Variants in RAD50 observed in about 807,000 individuals in gnomAD.
The protein encoded by RAD50 is DNA repair protein RAD50.
In RAD50, 132 loss-of-function variants were observed where a neutral mutation model predicts 168.8. That is an observed-to-expected ratio of 0.78 (90% CI 0.68 to 0.90). RAD50 has a LOEUF of 0.90. RAD50 is among the 40% of genes least tolerant of loss of function. RAD50 has a pLI of 0.00. For synonymous variants in RAD50, 525 were observed against 497.4 expected (o/e 1.06, Z -0.74); for missense variants, 1,347 against 1,534.4 (o/e 0.88, Z 2.04).
chr5:132,564,772 G>A (rs1249263717), intron 2 of RAD50, among the ~76,000 whole-genome samples: 1 of 151,940 alleles, frequency 6.6e-6, no homozygotes, highest in African/African-American at 2.4e-5. Context: ...TCCCATTACA[G>A]GACACTACTC....
intron 5 of RAD50, among the ~76,000 whole-genome samples, chr5:132,585,445 A>G (rs1750579421): frequency 1.3e-5 from 2 of 152,046 alleles, no homozygotes; most frequent in African/African-American, 4.8e-5. Flanking sequence ...TTCCTAGTTG[A>G]TCAGTCAATT....
In RAD50 at chr5:132,579,479, T is replaced by G. The variant is rs1379723744; in HGVS notation, c.528T>G (p.Phe176Leu). Residue 176 changes from phenylalanine to leucine, a missense_variant, in exon 4 of 25, where the codon TTT (phenylalanine) becomes TTG (leucine). Physicochemically the swap from Phe to Leu is conservative, Grantham distance 22. This residue lies in a region of RAD50 where 703 missense variants were observed against 767.7 expected (regional missense o/e 0.92). Transcript: ENST00000378823. ...AAGGAAAGGCTTTGAAGCAAAAGTT[T>G]GATGAGATTTTTTCAGCAACAAGGT... ...LSEGKALKQKFDEIFSATRYI... is the reference protein window; with the variant it reads ...LSEGKALKQKLDEIFSATRYI... 1 of 1,613,452 alleles carries G rather than the reference T, an allele frequency of 6.2e-7. No individual in the cohort carries two copies. The highest frequency in any genetic ancestry group is 8.5e-7 in the Non-Finnish European group (1 of 1,179,726).
At position 132,603,341 on chromosome 5, in the gene RAD50, TAAG is replaced by T. The variant is rs1581000953; in HGVS notation, c.2252_2254del (p.Arg751del). On this transcript the variant is annotated inframe_deletion, in exon 14 of 25. Coordinates refer to ENST00000378823, the MANE Select transcript of RAD50 (RefSeq NM_005732.4). ...TTGAAGGAGAAGGAAATACCAGAAT[TAAG>T]AAACAAACTGCAGAATGTCAATAGA... The T allele has an allele frequency of 6.2e-7, 1 of 1,613,608 alleles. No homozygotes were observed. The highest frequency in any genetic ancestry group is 8.5e-7 in the Non-Finnish European group (1 of 1,179,724).
Position 132,588,071 on chromosome 5 carries a change from G to C in RAD50, c.1033G>C (p.Glu345Gln). ...TAGGCTTCTCAATCAGGAAAAATCA[G>C]AACTGCTTGTTGAACAGGGTAGGAC... is the stretch of plus-strand genomic sequence containing the variant. ...ESRLLNQEKS[E>Q]LLVEQGRLQL... Residue 345 changes from glutamate to glutamine, a missense_variant, in exon 7 of 25, where the codon GAA (glutamate) becomes CAA (glutamine). Around this residue, in one of 3 missense-constraint regions of RAD50, gnomAD observed 703 missense variants for 767.7 expected, o/e 0.92. Transcript: ENST00000378823. 6.2e-7 allele frequency: 1 copy of C among 1,612,534 alleles called. No individual in the cohort carries two copies.
chr5:132,640,732 A>G lies in RAD50; in HGVS notation c.3679A>G (p.Ile1227Val), dbSNP rs1253858383. Residue 1227 changes from isoleucine to valine, a missense_variant, in exon 24 of 25, where the codon ATC (isoleucine) becomes GTC (valine). Physicochemically the swap from Ile to Val is conservative, Grantham distance 29. Around this residue, in one of 3 missense-constraint regions of RAD50, gnomAD observed 635 missense variants for 739.2 expected, o/e 0.86. Transcript: ENST00000378823. ...TGAAACGTTCTGCCTCAACTGTGGC[A>G]TCATTGCCTTGGATGAGCCAACAAC... is the stretch of plus-strand genomic sequence containing the variant. ...LAETFCLNCG[I>V]IALDEPTTNL... 6.2e-7 allele frequency: 1 copy of G among 1,614,242 alleles called. No homozygotes were observed. The highest frequency in any genetic ancestry group is 1.1e-5 in the South Asian group (1 of 91,088).
intron 22 of RAD50, 73 bp from the exon 23 acceptor site, chr5:132,638,008 A>T: frequency 6.7e-7 from 1 of 1,499,590 alleles, no homozygotes; most frequent in Non-Finnish European, 9.3e-7. Flanking sequence ...TCCTAGGCTT[A>T]CTTGATATGT....
intron 13 of RAD50, among the ~76,000 whole-genome samples, chr5:132,596,097 G>T (rs1259349712): frequency 6.6e-6 from 1 of 151,712 alleles, no homozygotes; most frequent in East Asian, 1.9e-4. Context: ...TCCCAGAAGC[G>T]ATTCCCATGC....
intron 19 of RAD50, among the ~76,000 whole-genome samples, chr5:132,609,819 A>G (rs75605147): frequency 0.02 from 2,978 of 152,230 alleles, 76 homozygotes; most frequent in African/African-American, 0.061. Context: ...AATAATTCCA[A>G]TAACATTCTT....
intron 16 of RAD50, among the ~76,000 whole-genome samples, chr5:132,608,270 T>C (rs1291876185): frequency 6.6e-6 from 1 of 152,112 alleles, no homozygotes; most frequent in East Asian, 1.9e-4. Context: ...GCTAATATAA[T>C]TGGGAGCACA....
At chr5:132,586,432 G>T (rs1750595711) in intron 5 of RAD50, among the ~76,000 whole-genome samples, 1 of 152,152 alleles carries the variant, frequency 6.6e-6, no homozygotes, top group Non-Finnish European at 1.5e-5. Flanking sequence ...TGTGACTGTT[G>T]CTCTTGGTAA....
chr5:132,591,288 G>A lies in RAD50; in HGVS notation c.1517G>A (p.Ser506Asn). ...GAAACCTTAAAAATGGAAGTAATAAGTCTCCAAAATGAAAAAGCAGACTTA... is the reference window on the plus strand; with the variant it reads ...GAAACCTTAAAAATGGAAGTAATAAATCTCCAAAATGAAAAAGCAGACTTA... ...NVETLKMEVI[S>N]LQNEKADLDR... The change falls in exon 10 of 25, where the codon AGT (serine) becomes AAT (asparagine). Residue 506 changes from serine to asparagine, a missense_variant. By Grantham distance (46) the Ser-to-Asn change is conservative (BLOSUM62 1). Around this residue, in one of 3 missense-constraint regions of RAD50, gnomAD observed 703 missense variants for 767.7 expected, o/e 0.92. Transcript: ENST00000378823. 6.2e-7 allele frequency: 1 copy of A among 1,613,146 alleles called. No individual in the cohort carries two copies. Among genetic ancestry groups the A allele is most frequent in the Non-Finnish European group, 8.5e-7 (1 of 1,179,176 alleles).
chr5:132,580,851 T>C (rs1750492002), intron 5 of RAD50, among the ~76,000 whole-genome samples: 1 of 152,306 alleles, frequency 6.6e-6, no homozygotes, highest in East Asian at 1.9e-4. Flanking sequence ...CTATTTGCTA[T>C]GTTTTAGATA....
At chr5:132,573,628 G>C (rs1308825809) in intron 2 of RAD50, among the ~76,000 whole-genome samples, 1 of 152,098 alleles carries the variant, frequency 6.6e-6, no homozygotes, top group African/African-American at 2.4e-5. Context: ...TCTTATTTTA[G>C]CATTAATTCA....
intron 22 of RAD50, 79 bp downstream of exon 22, chr5:132,637,279 C>G (rs1423934489): frequency 6.4e-7 from 1 of 1,551,648 alleles, no homozygotes; most frequent in African/African-American, 1.4e-5. Context: ...CTCATCATGC[C>G]AGCATTACCT....
chr5:132,627,070 G>A (rs1177263390), intron 21 of RAD50, among the ~76,000 whole-genome samples: 1 of 152,080 alleles, frequency 6.6e-6, no homozygotes, highest in African/African-American at 2.4e-5. Context: ...TAGTAGAAAC[G>A]AGGTTTCGCC....
rs1033533577 is a variant in RAD50 at position 132,643,324 on chromosome 5, A to G, written c.*960A>G. On this transcript the variant is annotated 3_prime_UTR_variant, in exon 25 of 25. Coordinates refer to ENST00000378823, the MANE Select transcript of RAD50 (RefSeq NM_005732.4). ...CCACTTCTAAGAAAAGCCTAATCAC[A>G]GTTTTTCCTGGAATTGCCAGCTGAC... 1 of 247,030 alleles carries G rather than the reference A, an allele frequency of 4.0e-6. No homozygotes were observed. The highest frequency in any genetic ancestry group is 8.2e-6 in the Non-Finnish European group (1 of 121,464). The allele number at this position is 247,030 out of a possible 1,614,324, so 15.3% of individuals were successfully genotyped here. A position where few individuals can be genotyped will look rare whatever the true frequency, so the allele number is the denominator to read the frequency against.
Position 132,588,009 on chromosome 5 carries a change from AC to A in RAD50, c.972del (p.Cys325ValfsTer8). Reference protein sequence around the residue: ...TVREKERKLVDCHRELEKLNK... With the variant: ...TVREKERKLVXCHRELEKLNK... Reference sequence around the variant, plus strand: ...AGGGAGAAAGAAAGGAAATTGGTAGACTGTCATCGTGAACTGGAAAAACTAA... The same window carrying A: ...AGGGAGAAAGAAAGGAAATTGGTAGATGTCATCGTGAACTGGAAAAACTAA... On this transcript the variant is annotated frameshift_variant, in exon 7 of 25. Coordinates refer to ENST00000378823, the MANE Select transcript of RAD50 (RefSeq NM_005732.4). LOFTEE classifies it high-confidence loss of function. The A allele has an allele frequency of 6.2e-7, 1 of 1,611,570 alleles. No homozygotes were observed. The highest frequency in any genetic ancestry group is 1.1e-5 in the South Asian group (1 of 91,030).
Position 132,588,472 on chromosome 5 carries a change from T to G in RAD50, c.1052-215T>G, listed in dbSNP as rs547750106. 1.1e-4 allele frequency among the ~76,000 whole-genome samples: 17 copies of G among 152,188 alleles called. 1 individual carries two copies. In the East Asian group the frequency reaches 3.3e-3, roughly 29 times the overall value. On this transcript the variant is annotated intron_variant, in intron 7 of 24. Transcript: ENST00000378823. ...CACATGCTCAGGGGTACAAATAAAA[T>G]TGGGGAAATTTGAATAAGATTGATG...
At chr5:132,592,149 T>A in intron 11 of RAD50, 115 bp downstream of exon 11, 1 of 1,150,022 alleles carries the variant, frequency 8.7e-7, no homozygotes, top group Non-Finnish European at 1.3e-6. Context: ...TAAACTTTAG[T>A]TCTTACATAC....
Sources: allele counts gnomAD v4.1 joint callset (sites outside exome capture counted in the v4.1 genomes callset), GRCh38; gene constraint gnomAD v4.1.1; regional missense constraint gnomAD v4.1.1; transcripts MANE v1.5; gene names NCBI Gene and HGNC (gene_info 2026-07-23, HGNC 2026-07-21).